Variants in MTX2 observed in about 807,000 individuals in gnomAD.
MTX2 encodes metaxin 2.
Under a neutral mutation model 42.3 loss-of-function variants are expected in MTX2, and 35 were observed. The ratio of observed to expected loss-of-function variants is 0.83; its 90% CI spans 0.63 to 1.10. The LOEUF (loss-of-function observed/expected upper bound fraction) is 1.10. Ranked by LOEUF, MTX2 falls within the 50% of genes least tolerant of loss-of-function variation. MTX2 has a pLI of 0.00. For synonymous variants in MTX2, 119 were observed against 100.9 expected (o/e 1.18, Z -1.08); for missense variants, 307 against 304.1 (o/e 1.01, Z -0.07).
chr2:176,284,146 T>C (rs1693141876), intron 1 of MTX2, among the ~76,000 whole-genome samples: 1 of 152,058 alleles, frequency 6.6e-6, no homozygotes, highest in African/African-American at 2.4e-5. Context: ...GGTCTTGTTA[T>C]GTTGCCCAGG....
Position 176,314,413 on chromosome 2 carries a change from G to A in MTX2, c.136-8979G>A, listed in dbSNP as rs561718078. 2.6e-5 allele frequency among the ~76,000 whole-genome samples: 4 copies of A among 151,624 alleles called. 1 individual carries two copies. The highest frequency in any genetic ancestry group is 9.7e-5 in the African/African-American group (4 of 41,324). On this transcript the variant is annotated intron_variant, in intron 3 of 9. Transcript: ENST00000249442. ...GATTGCACTGCTGCACTCCAGCCTGGGTGACAGAGCAAGACTCTGTCTCAA... is the reference window on the plus strand; with the variant it reads ...GATTGCACTGCTGCACTCCAGCCTGAGTGACAGAGCAAGACTCTGTCTCAA...
At chr2:176,323,986 CTTCCTATTTT>C (rs1299951724) in intron 4 of MTX2, among the ~76,000 whole-genome samples, 1 of 151,418 alleles carries the variant, frequency 6.6e-6, no homozygotes, top group African/African-American at 2.4e-5. Flanking sequence ...GATGCTTTAG[CTTCCTATTTT>C]TTAAAATCAG....
chr2:176,290,801 A>C (rs1301070641), intron 1 of MTX2, among the ~76,000 whole-genome samples: 1 of 149,266 alleles, frequency 6.7e-6, no homozygotes, highest in Non-Finnish European at 1.5e-5. Flanking sequence ...ATATGTGTGC[A>C]AGACAACCCT....
At chr2:176,275,073 G>T (rs1692916515) in intron 1 of MTX2, among the ~76,000 whole-genome samples, 1 of 152,190 alleles carries the variant, frequency 6.6e-6, no homozygotes, top group Non-Finnish European at 1.5e-5. Flanking sequence ...GTTGTAAGCA[G>T]TGCTTACGTA....
At chr2:176,302,335 T>A (rs1319047761) in intron 3 of MTX2, among the ~76,000 whole-genome samples, 5 of 152,170 alleles carry the variant, frequency 3.3e-5, no homozygotes, top group Non-Finnish European at 5.9e-5. Context: ...TTTCTTACTC[T>A]TTGTTAATAA....
chr2:176,285,920 C>T (rs1046727009), intron 1 of MTX2, among the ~76,000 whole-genome samples: 4 of 152,130 alleles, frequency 2.6e-5, no homozygotes, highest in African/African-American at 9.7e-5. Flanking sequence ...ATTGATGGGT[C>T]ATATGGTAAA....
intron 3 of MTX2, among the ~76,000 whole-genome samples, chr2:176,310,651 C>G (rs935675357): frequency 6.6e-6 from 1 of 152,120 alleles, no homozygotes; most frequent in South Asian, 2.1e-4. Flanking sequence ...TTAATTTGAT[C>G]TTCGATCACT....
At chr2:176,284,757 C>T (rs1693156120) in intron 1 of MTX2, among the ~76,000 whole-genome samples, 1 of 152,174 alleles carries the variant, frequency 6.6e-6, no homozygotes, top group Non-Finnish European at 1.5e-5. Context: ...CTACACACAT[C>T]CTTACTACCA....
At chr2:176,312,863 C>CAAAAAAAAA (rs557475003) in intron 3 of MTX2, among the ~76,000 whole-genome samples, 14 of 55,932 alleles carry the variant, frequency 2.5e-4, no homozygotes, top group East Asian at 5.6e-4. Flanking sequence ...AATGCCATCT[C>CAAAAAAAAA]AAAAAAAAAA....
At chr2:176,328,753 A>T in intron 6 of MTX2, 121 bp from the exon 7 acceptor site, 1 of 854,000 alleles carries the variant, frequency 1.2e-6, no homozygotes, top group Non-Finnish European at 1.8e-6. Context: ...AAGAAAAACA[A>T]ACCGCTACAT....
chr2:176,298,845 A>T (rs2105415432), intron 3 of MTX2, among the ~76,000 whole-genome samples: 1 of 152,258 alleles, frequency 6.6e-6, no homozygotes, highest in African/African-American at 2.4e-5. Context: ...CCCTTTTAAA[A>T]TTGCTATTTT....
intron 9 of MTX2, among the ~76,000 whole-genome samples, chr2:176,331,406 A>G (rs1017836382): frequency 1.3e-5 from 2 of 151,092 alleles, no homozygotes; most frequent in African/African-American, 2.4e-5. Flanking sequence ...TGACATTTTA[A>G]TAAAAATTAT....
rs189222255 is a variant in MTX2 at position 176,290,696 on chromosome 2, A to T, written c.41-6164A>T. 4.9e-3 allele frequency among the ~76,000 whole-genome samples: 746 copies of T among 151,398 alleles called. 5 individuals carry two copies. Among genetic ancestry groups the T allele is most frequent in the Middle Eastern group, 0.017 (5 of 288 alleles). ...TGATACCTACATGGTTGATTTGTAG[A>T]TTCATTGCCCAGTTTAGGATTTCAA... On this transcript the variant is annotated intron_variant, in intron 1 of 9. Coordinates refer to ENST00000249442, the MANE Select transcript of MTX2 (RefSeq NM_006554.5).
intron 1 of MTX2, among the ~76,000 whole-genome samples, chr2:176,287,513 T>C (rs974335283): frequency 6.6e-6 from 1 of 152,312 alleles, no homozygotes; most frequent in African/African-American, 2.4e-5. Flanking sequence ...AATGCAGATA[T>C]TCCAAACTAT....
chr2:176,287,925 A>C (rs574739748), intron 1 of MTX2, among the ~76,000 whole-genome samples: 1 of 151,626 alleles, frequency 6.6e-6, no homozygotes. Flanking sequence ...CGTTTATGGA[A>C]ATGGCAATAT....
At chr2:176,298,202 G>A (rs754589419) in intron 3 of MTX2, among the ~76,000 whole-genome samples, 1 of 151,762 alleles carries the variant, frequency 6.6e-6, no homozygotes, top group Non-Finnish European at 1.5e-5. Flanking sequence ...ATATGATGGT[G>A]TTGATTATTT....
chr2:176,289,354 A>G (rs1214004426), intron 1 of MTX2, among the ~76,000 whole-genome samples: 2 of 151,954 alleles, frequency 1.3e-5, no homozygotes, highest in African/African-American at 4.8e-5. Context: ...AGAAATATTC[A>G]TTTGCATAAA....
intron 9 of MTX2, among the ~76,000 whole-genome samples, chr2:176,332,072 G>A (rs545161743): frequency 4.6e-5 from 7 of 151,086 alleles, no homozygotes; most frequent in Non-Finnish European, 1.0e-4. Flanking sequence ...TTCTAACTTA[G>A]AACAGTTCAA....
chr2:176,309,930 A>G (rs1031811143), intron 3 of MTX2, among the ~76,000 whole-genome samples: 2 of 152,052 alleles, frequency 1.3e-5, no homozygotes, highest in Non-Finnish European at 1.5e-5. Context: ...GTTATATGTG[A>G]ATTTGATCCT....
Sources: gnomAD v4.1 joint callset for allele counts (sites outside exome capture counted in the v4.1 genomes callset) on GRCh38, gnomAD v4.1.1 for gene constraint, MANE v1.5 for transcripts, NCBI Gene and HGNC (gene_info 2026-07-23, HGNC 2026-07-21) for gene names.